RARB: variants seen among roughly 807,000 people sequenced by gnomAD.
RARB encodes the protein HBV-activated protein.
RARB carries 17 observed loss-of-function variants against 51.9 expected under a neutral mutation model. That is an observed-to-expected ratio of 0.33 (90% confidence interval 0.22 to 0.49). The LOEUF (loss-of-function observed/expected upper bound fraction) is 0.49. Ranked by LOEUF, RARB falls within the 20% of genes least tolerant of loss-of-function variation. The pLI, the probability that RARB is intolerant of heterozygous loss-of-function variation, is 0.99. For synonymous variants in RARB, 215 were observed against 195.4 expected (o/e 1.10, Z -0.84); for missense variants, 369 against 550.8 (o/e 0.67, Z 3.30).
intron 7 of RARB, among the ~76,000 whole-genome samples, chr3:25,595,583 T>C (rs991708413): frequency 1.3e-5 from 2 of 152,232 alleles, no homozygotes; most frequent in African/African-American, 4.8e-5. Flanking sequence ...TCATTCTGTA[T>C]AGATGACTAG....
chr3:25,239,879 G>T (rs1262647077), intron 5 of RARB, among the ~76,000 whole-genome samples: 1 of 152,054 alleles, frequency 6.6e-6, no homozygotes, highest in Non-Finnish European at 1.5e-5. Context: ...GTTGCTTTGG[G>T]TAGTATCTTC....
In RARB at chr3:25,040,512, C is replaced by T. The variant is rs1046441184; in HGVS notation, c.-379-19613C>T. Among the ~76,000 whole-genome samples, 13 of 152,120 alleles carry T rather than the reference C, an allele frequency of 8.5e-5. No homozygotes were observed. In the South Asian group the frequency reaches 1.9e-3, roughly 22 times the overall value. ...CTTTGGGAGGCCTAGGTCGGCAGAT[C>T]GCTTGAGGACAGAAGTTCGAGACCA... is the stretch of plus-strand genomic sequence containing the variant. On this transcript the variant is annotated intron_variant, in intron 2 of 11. Transcript: ENST00000383772.
intron 5 of RARB, among the ~76,000 whole-genome samples, chr3:25,223,809 C>A (rs1456671966): frequency 3.3e-5 from 5 of 152,184 alleles, no homozygotes; most frequent in African/African-American, 1.2e-4. Flanking sequence ...CCTTTCAGAT[C>A]TATTTTTAGC....
At chr3:24,905,763 G>T (rs1694849429) in intron 2 of RARB, among the ~76,000 whole-genome samples, 1 of 152,184 alleles carries the variant, frequency 6.6e-6, no homozygotes, top group Admixed American at 6.5e-5. Flanking sequence ...TCACTGAGCA[G>T]TTGCACTGGC....
chr3:25,279,066 G>T (rs1157497264), intron 5 of RARB, among the ~76,000 whole-genome samples: 1 of 152,172 alleles, frequency 6.6e-6, no homozygotes, highest in African/African-American at 2.4e-5. Flanking sequence ...CACTCATGCA[G>T]GGCTTTATGA....
At chr3:24,838,686 GA>G (rs1702377644) in intron 1 of RARB, among the ~76,000 whole-genome samples, 2 of 152,128 alleles carry the variant, frequency 1.3e-5, no homozygotes, top group African/African-American at 4.8e-5. Flanking sequence ...AATAAACAAA[GA>G]ATACTTCATG....
At chr3:25,566,115 T>C (rs563899050) in intron 3 of RARB, among the ~76,000 whole-genome samples, 4 of 152,332 alleles carry the variant, frequency 2.6e-5, no homozygotes, top group African/African-American at 9.6e-5. Context: ...CCGTGGCTTC[T>C]TGTGCACTGT....
intron 5 of RARB, among the ~76,000 whole-genome samples, chr3:25,356,388 T>A (rs906459764): frequency 1.3e-5 from 2 of 152,178 alleles, no homozygotes; most frequent in African/African-American, 4.8e-5. Context: ...CTTAGTGTTT[T>A]GATAAAAGTC....
intron 5 of RARB, among the ~76,000 whole-genome samples, chr3:25,319,322 C>A (rs1364955990): frequency 6.6e-6 from 1 of 152,142 alleles, no homozygotes; most frequent in Admixed American, 6.5e-5. Flanking sequence ...TAACTAAATC[C>A]TTGTGGGAGT....
chr3:25,194,040 T>C (rs1499643), intron 5 of RARB, among the ~76,000 whole-genome samples: 133,609 of 151,908 alleles, frequency 0.88, 59,063 homozygotes, highest in East Asian at 0.96. Context: ...GATAAAGAAA[T>C]CATGGTATGT....
At chr3:25,397,092 A>T (rs1014041833) in intron 5 of RARB, among the ~76,000 whole-genome samples, 1 of 152,158 alleles carries the variant, frequency 6.6e-6, no homozygotes, top group Non-Finnish European at 1.5e-5. Context: ...TGAAATTATT[A>T]CAAATTTCAG....
intron 2 of RARB, among the ~76,000 whole-genome samples, chr3:25,487,538 T>C (rs1165862746): frequency 6.6e-6 from 1 of 151,826 alleles, no homozygotes; most frequent in Non-Finnish European, 1.5e-5. Flanking sequence ...TGATACTCTA[T>C]CCTTCCCCCA....
chr3:25,079,394 T>C lies in RARB; in HGVS notation c.-328+19218T>C, dbSNP rs141699031. ...GCCTCATTGTGCCAGACAGAACCTCTAATACGTTGTTGAATAGAAGTGGTG... is the reference window on the plus strand; with the variant it reads ...GCCTCATTGTGCCAGACAGAACCTCCAATACGTTGTTGAATAGAAGTGGTG... On this transcript the variant is annotated intron_variant, in intron 3 of 11. Transcript: ENST00000383772. Among the ~76,000 whole-genome samples, 753 of 152,316 alleles carry C rather than the reference T, an allele frequency of 4.9e-3. 7 individuals carry two copies. Among genetic ancestry groups the C allele is most frequent in the African/African-American group, 0.017 (711 of 41,578 alleles).
chr3:25,563,454 C>A (rs920547319), intron 3 of RARB, among the ~76,000 whole-genome samples: 1 of 152,180 alleles, frequency 6.6e-6, no homozygotes, highest in African/African-American at 2.4e-5. Flanking sequence ...ACATGGCAGG[C>A]ACTTTATTAG....
At chr3:25,102,110 T>C (rs956174267) in intron 3 of RARB, among the ~76,000 whole-genome samples, 2 of 152,154 alleles carry the variant, frequency 1.3e-5, no homozygotes, top group South Asian at 2.1e-4. Context: ...TAGGTACCAC[T>C]CCCAGGCTAG....
chr3:25,396,132 C>G (rs934386323), intron 5 of RARB, among the ~76,000 whole-genome samples: 1 of 152,194 alleles, frequency 6.6e-6, no homozygotes, highest in African/African-American at 2.4e-5. Context: ...TATTTCTCTT[C>G]TGGGTCTAGC....
At chr3:25,319,921 C>T (rs1454783369) in intron 5 of RARB, among the ~76,000 whole-genome samples, 2 of 152,074 alleles carry the variant, frequency 1.3e-5, no homozygotes, top group East Asian at 1.9e-4. Context: ...CTAGCACTAT[C>T]TCAATGTCAC....
chr3:25,165,651 C>G (rs1480279614), intron 4 of RARB, among the ~76,000 whole-genome samples: 1 of 152,098 alleles, frequency 6.6e-6, no homozygotes, highest in African/African-American at 2.4e-5. Flanking sequence ...AGCAATGGTC[C>G]AAGCAGACCT....
chr3:25,434,649 C>G (rs959090044), intron 1 of RARB, among the ~76,000 whole-genome samples: 2 of 149,544 alleles, frequency 1.3e-5, no homozygotes, highest in African/African-American at 2.5e-5. Context: ...TCAAGTGATT[C>G]TCCTGCCTCA....
Sources: allele counts gnomAD v4.1 joint callset (sites outside exome capture counted in the v4.1 genomes callset), GRCh38; gene constraint gnomAD v4.1.1; transcripts MANE v1.5; gene names NCBI Gene and HGNC (gene_info 2026-07-23, HGNC 2026-07-21).